Variants in ESRRG observed in about 807,000 individuals in gnomAD.
ESRRG encodes the protein estrogen related receptor gamma, also known as estrogen-related receptor gamma.
ESRRG carries 13 observed loss-of-function variants against 44.0 expected under a neutral mutation model. That is an observed-to-expected ratio of 0.30 (90% CI 0.19 to 0.47). The LOEUF is 0.47. ESRRG is among the 20% of genes least tolerant of loss of function. The pLI is 1.00. For synonymous variants in ESRRG, 215 were observed against 214.6 expected (o/e 1.00, Z -0.02); for missense variants, 395 against 580.6 (o/e 0.68, Z 3.29).
At chr1:216,815,719 G>A (rs72739435) in intron 2 of ESRRG, among the ~76,000 whole-genome samples, 5 of 152,256 alleles carry the variant, frequency 3.3e-5, no homozygotes, top group African/African-American at 4.8e-5. Context: ...TCAGATTTCC[G>A]CCGCACTGAA....
At chr1:216,780,145 C>T (rs889966956) in intron 2 of ESRRG, among the ~76,000 whole-genome samples, 7 of 151,814 alleles carry the variant, frequency 4.6e-5, no homozygotes, top group Non-Finnish European at 8.8e-5. Context: ...TGTGCCATAG[C>T]CAATGATTAA....
chr1:216,836,084 C>A (rs1308063367), intron 2 of ESRRG, among the ~76,000 whole-genome samples: 1 of 134,986 alleles, frequency 7.4e-6, no homozygotes, highest in East Asian at 2.0e-4. Flanking sequence ...ACAGCCGATG[C>A]TGCGATTTCA....
chr1:216,750,584 G>A (rs2091909376), intron 2 of ESRRG, among the ~76,000 whole-genome samples: 1 of 151,790 alleles, frequency 6.6e-6, no homozygotes, highest in Non-Finnish European at 1.5e-5. Context: ...TAGGATCTTG[G>A]CTTAAAAATG....
At chr1:216,983,239 AT>A (rs112989445) in intron 1 of ESRRG, among the ~76,000 whole-genome samples, 10 of 148,186 alleles carry the variant, frequency 6.7e-5, no homozygotes, top group East Asian at 2.0e-4. Flanking sequence ...TGATTTTTTT[AT>A]TTTTTTTTTG....
intron 3 of ESRRG, among the ~76,000 whole-genome samples, chr1:216,617,501 TA>T (rs1258439608): frequency 1.6e-5 from 2 of 122,682 alleles, no homozygotes; most frequent in African/African-American, 5.6e-5. Flanking sequence ...GCTTGGCCTT[TA>T]GAAAAAAAAA....
At chr1:216,715,313 T>G (rs1559375344) in intron 1 of ESRRG, 3 of 854,854 alleles carry the variant, frequency 3.5e-6, no homozygotes. Context: ...TACAGTCACT[T>G]TCTCATAGGA....
chr1:216,939,865 G>A (rs2064922532), intron 1 of ESRRG, among the ~76,000 whole-genome samples: 1 of 151,934 alleles, frequency 6.6e-6, no homozygotes, highest in Admixed American at 6.6e-5. Context: ...ATACACTCAG[G>A]GCTGTATTAA....
intron 6 of ESRRG, among the ~76,000 whole-genome samples, chr1:216,507,459 C>A (rs928239062): frequency 6.6e-6 from 1 of 152,118 alleles, no homozygotes; most frequent in African/African-American, 2.4e-5. Flanking sequence ...AGAAGGCTTT[C>A]TTTTAACAGA....
intron 1 of ESRRG, among the ~76,000 whole-genome samples, chr1:217,133,034 C>G (rs2092987238): frequency 6.6e-6 from 1 of 152,174 alleles, no homozygotes. Flanking sequence ...TCCTTCCTAT[C>G]TAGAGCCCCA....
chr1:216,617,997 T>G (rs2150410668), intron 3 of ESRRG, among the ~76,000 whole-genome samples: 1 of 152,246 alleles, frequency 6.6e-6, no homozygotes. Context: ...AATATTAAAA[T>G]CCCCATATTG....
intron 3 of ESRRG, among the ~76,000 whole-genome samples, chr1:216,597,237 T>C (rs894724243): frequency 6.6e-6 from 1 of 152,172 alleles, no homozygotes; most frequent in Non-Finnish European, 1.5e-5. Flanking sequence ...GAGCATTCTT[T>C]CCAGGGCTCA....
intron 4 of ESRRG, 143 bp from the exon 5 acceptor site, chr1:216,564,523 A>G (rs1176437808): frequency 1.9e-6 from 1 of 525,484 alleles, no homozygotes; most frequent in African/African-American, 2.0e-5. Flanking sequence ...CAATAGGTAT[A>G]TATTAAACGG....
In ESRRG at chr1:216,875,633, A is replaced by G. The variant is rs976323983; in HGVS notation, c.-14+63949T>C. On this transcript the variant is annotated intron_variant, in intron 2 of 7. Coordinates refer to the ESRRG transcript ENST00000359162. The stretch of plus-strand genomic sequence containing the variant: ...TCCTATATATGAATTCTATATTTAT[A>G]TTATATTTATTTATATTCATTTATT... 5.9e-5 allele frequency among the ~76,000 whole-genome samples: 9 copies of G among 152,046 alleles called. No homozygotes were observed. In the East Asian group the frequency reaches 1.2e-3, roughly 20 times the overall value.
intron 1 of ESRRG, among the ~76,000 whole-genome samples, chr1:216,688,898 G>A (rs562934834): frequency 6.6e-6 from 1 of 152,218 alleles, no homozygotes; most frequent in Non-Finnish European, 1.5e-5. Context: ...AAAGAGTGGA[G>A]AAGGGTTGGT....
rs555981158 is a variant in ESRRG at position 216,860,918 on chromosome 1, A to G, written c.-14+78664T>C. 3.9e-5 allele frequency among the ~76,000 whole-genome samples: 6 copies of G among 152,296 alleles called. No homozygotes were observed. The South Asian group carries it at 1.2e-3, about 32-fold the overall frequency. ...ATAACGACAATGTAGTGTGGGGTTT[A>G]TAATATATGTAAGAGCAAAACGTGA... On this transcript the variant is annotated intron_variant, in intron 2 of 7. Coordinates refer to the ESRRG transcript ENST00000359162.
In ESRRG at chr1:216,878,718, G is replaced by A. The variant is rs1029847517; in HGVS notation, c.-14+60864C>T. On this transcript the variant is annotated intron_variant, in intron 2 of 7. Coordinates refer to the ESRRG transcript ENST00000359162. The stretch of plus-strand genomic sequence containing the variant: ...AACGTTTCACAATTTATGTTTCTCT[G>A]TGCTTTTATTCAGTACTATTGGTTG... Among the ~76,000 whole-genome samples, 6 of 152,080 alleles carry A rather than the reference G, an allele frequency of 3.9e-5. No homozygotes were observed. The South Asian group carries it at 1.2e-3, about 32-fold the overall frequency.
upstream of ESRRG, chr1:217,089,716 C>G (rs2092298388): frequency 2.6e-5 from 4 of 152,082 alleles, no homozygotes; most frequent in Admixed American, 2.6e-4. Context: ...GCACGGCCCC[C>G]CGCTCTGCCC....
At chr1:217,118,727 C>G (rs1432477446) in intron 1 of ESRRG, among the ~76,000 whole-genome samples, 3 of 152,090 alleles carry the variant, frequency 2.0e-5, no homozygotes, top group Non-Finnish European at 4.4e-5. Flanking sequence ...TGTGGTAGCT[C>G]TCGCCTGTAA....
chr1:216,665,387 A>C (rs927330825), intron 2 of ESRRG, among the ~76,000 whole-genome samples: 1 of 152,212 alleles, frequency 6.6e-6, no homozygotes, highest in Non-Finnish European at 1.5e-5. Flanking sequence ...CCTGTCATGC[A>C]CAATGACATG....
Sources: gnomAD v4.1 joint callset for allele counts (sites outside exome capture counted in the v4.1 genomes callset) on GRCh38, gnomAD v4.1.1 for gene constraint, MANE v1.5 for transcripts, NCBI Gene and HGNC (gene_info 2026-07-23, HGNC 2026-07-21) for gene names.